PDE7A: variants seen among roughly 807,000 people sequenced by gnomAD.
PDE7A encodes the protein high affinity 3',5'-cyclic-AMP phosphodiesterase 7A.
Under a neutral mutation model 64.3 loss-of-function variants are expected in PDE7A, and 39 were observed. The observed-to-expected ratio is 0.61, with a 90% CI of 0.47 to 0.79. PDE7A has a LOEUF of 0.79. Among genes scored for constraint, PDE7A ranks in the 30% least tolerant of loss-of-function variants. The pLI, the probability that PDE7A is intolerant of heterozygous loss-of-function variation, is 0.00. For synonymous variants in PDE7A, 203 were observed against 206.8 expected, an observed-to-expected ratio of 0.98 and a Z score of 0.16; for missense variants, 470 against 582.8, an observed-to-expected ratio of 0.81 and a Z score of 1.99.
At chr8:65,769,989 A>G (rs1808998321) in intron 3 of PDE7A, among the ~76,000 whole-genome samples, 1 of 152,258 alleles carries the variant, frequency 6.6e-6, no homozygotes, top group Admixed American at 6.5e-5. Flanking sequence ...TCATAATACC[A>G]TACTCTTAAA....
chr8:65,802,471 A>C (rs1470172464), intron 1 of PDE7A, among the ~76,000 whole-genome samples: 1 of 152,246 alleles, frequency 6.6e-6, no homozygotes, highest in Non-Finnish European at 1.5e-5. Context: ...CCAGGGGAGC[A>C]CTGGCTTTGG....
intron 1 of PDE7A, among the ~76,000 whole-genome samples, chr8:65,831,227 C>T (rs966778850): frequency 6.6e-6 from 1 of 152,134 alleles, no homozygotes; most frequent in Non-Finnish European, 1.5e-5. Context: ...AACCTTTCTA[C>T]TGGACATCCT....
intron 1 of PDE7A, among the ~76,000 whole-genome samples, chr8:65,816,908 A>G (rs1226758171): frequency 6.6e-6 from 1 of 152,138 alleles, no homozygotes; most frequent in Admixed American, 6.5e-5. Flanking sequence ...CCAAAAGGTC[A>G]TTTTTCTGAC....
intron 1 of PDE7A, among the ~76,000 whole-genome samples, chr8:65,829,727 A>G (rs1810764526): frequency 6.6e-6 from 1 of 152,150 alleles, no homozygotes; most frequent in Admixed American, 6.6e-5. Flanking sequence ...AGTCCCTTTC[A>G]AGCATTGATA....
At chr8:65,806,716 A>C (rs996689522) in intron 1 of PDE7A, among the ~76,000 whole-genome samples, 6 of 152,226 alleles carry the variant, frequency 3.9e-5, no homozygotes, top group Non-Finnish European at 7.3e-5. Flanking sequence ...GCTGGCCTTC[A>C]TCCAAGTTGG....
intron 6 of PDE7A, 62 bp from the exon 7 acceptor site, chr8:65,734,956 T>C (rs1022028964): frequency 5.7e-6 from 6 of 1,047,760 alleles, no homozygotes; most frequent in South Asian, 1.3e-5. Flanking sequence ...AGGACAAAAA[T>C]TGTGATAATT....
chr8:65,742,364 G>A (rs1179303939), intron 5 of PDE7A, among the ~76,000 whole-genome samples: 9 of 152,088 alleles, frequency 5.9e-5, no homozygotes, highest in African/African-American at 1.9e-4. Flanking sequence ...TTGCTATGTC[G>A]CATCACTTAA....
At chr8:65,830,304 T>C (rs1021994947) in intron 1 of PDE7A, among the ~76,000 whole-genome samples, 1 of 152,046 alleles carries the variant, frequency 6.6e-6, no homozygotes, top group South Asian at 2.1e-4. Context: ...ACCACTTCCA[T>C]GAAAATGAAA....
Position 65,817,452 on chromosome 8 carries a change from C to T in PDE7A, c.138+23919G>A, listed in dbSNP as rs144142248. ...TGGTGCAACAAAACAAAAATATAGA[C>T]TTTATTTGTCACCAGTTTTTCTACT... On this transcript the variant is annotated intron_variant, in intron 1 of 12. Transcript: ENST00000401827. 9.8e-3 allele frequency among the ~76,000 whole-genome samples: 1,485 copies of T among 151,842 alleles called. 17 individuals are homozygous for T. Among genetic ancestry groups the T allele is most frequent in the Middle Eastern group, 0.038 (11 of 292 alleles).
intron 1 of PDE7A, among the ~76,000 whole-genome samples, chr8:65,787,721 T>C (rs768496178): frequency 3.9e-5 from 6 of 152,080 alleles, no homozygotes; most frequent in East Asian, 1.9e-4. Flanking sequence ...GGTAGGAGGA[T>C]TGCTTGAGCC....
intron 1 of PDE7A, among the ~76,000 whole-genome samples, chr8:65,809,186 G>A (rs942320224): frequency 2.0e-5 from 3 of 152,246 alleles, no homozygotes; most frequent in African/African-American, 7.2e-5. Context: ...TTCACAGGAT[G>A]AGATAAAGTA....
intron 3 of PDE7A, chr8:65,771,235 A>G (rs1016961250): frequency 6.5e-6 from 1 of 154,530 alleles, no homozygotes; most frequent in Non-Finnish European, 1.4e-5. Flanking sequence ...GCTTATAATA[A>G]ACTGTACATA....
At chr8:65,756,578 T>C (rs1439523550) in intron 3 of PDE7A, among the ~76,000 whole-genome samples, 1 of 152,196 alleles carries the variant, frequency 6.6e-6, no homozygotes, top group Non-Finnish European at 1.5e-5. Flanking sequence ...CTAGAATTTC[T>C]GTTTGGTTCC....
chr8:65,799,434 G>T (rs1370884361), intron 1 of PDE7A, among the ~76,000 whole-genome samples: 1 of 152,128 alleles, frequency 6.6e-6, no homozygotes. Flanking sequence ...TTTCATCCAG[G>T]AGACTAATAC....
intron 1 of PDE7A, among the ~76,000 whole-genome samples, chr8:65,810,099 A>G (rs1810216960): frequency 6.6e-6 from 1 of 152,198 alleles, no homozygotes; most frequent in Non-Finnish European, 1.5e-5. Context: ...AACCAACCCA[A>G]ATGTCCATCA....
chr8:65,741,837 T>A (rs1449738443), intron 5 of PDE7A, among the ~76,000 whole-genome samples: 4 of 152,236 alleles, frequency 2.6e-5, no homozygotes, highest in Non-Finnish European at 5.9e-5. Flanking sequence ...AATTACCCAT[T>A]TCTAGGATGT....
At chr8:65,766,872 C>G (rs1443347874) in intron 3 of PDE7A, among the ~76,000 whole-genome samples, 1 of 152,136 alleles carries the variant, frequency 6.6e-6, no homozygotes, top group East Asian at 1.9e-4. Context: ...AGATATAGGG[C>G]AGGTCTGAGG....
At chr8:65,806,615 G>C (rs1810121627) in intron 1 of PDE7A, among the ~76,000 whole-genome samples, 2 of 152,196 alleles carry the variant, frequency 1.3e-5, no homozygotes, top group South Asian at 4.1e-4. Context: ...GTGTTTATAT[G>C]AATCTTAAAT....
chr8:65,724,803 T>C lies in PDE7A; in HGVS notation c.1039A>G (p.Thr347Ala). The stretch of plus-strand genomic sequence containing the variant: ...TGTAAAACCAAATGTCTGTGTCTGG[T>C]GTCTTCTAGGCATAAATCACCTCTA... ...LDRGDLCLED[T>A]RHRHLVLQMA... The change falls in exon 10 of 13, where the codon ACC becomes GCC. Residue 347 changes from threonine (T) to alanine (A), a missense_variant. Thr to Ala is a moderately conservative substitution (Grantham distance 58, BLOSUM62 0). Transcript: ENST00000401827. 5.6e-6 allele frequency: 9 copies of C among 1,609,282 alleles called. No individual in the cohort carries two copies. The highest frequency in any genetic ancestry group is 6.8e-6 in the Non-Finnish European group (8 of 1,177,632).
Sources: gnomAD v4.1 joint callset for allele counts (sites outside exome capture counted in the v4.1 genomes callset) on GRCh38, gnomAD v4.1.1 for gene constraint, MANE v1.5 for transcripts, NCBI Gene and HGNC (gene_info 2026-07-23, HGNC 2026-07-21) for gene names.